PCDH9: variants seen among roughly 807,000 people sequenced by gnomAD.
The protein encoded by PCDH9 is protocadherin 9, also known as protocadherin-9.
A neutral mutation model predicts 70.6 loss-of-function variants in PCDH9; 24 were observed. The observed-to-expected ratio is 0.34, with a 90% CI of 0.25 to 0.48. The LOEUF (loss-of-function observed/expected upper bound fraction) is 0.48. Ranked by LOEUF, PCDH9 falls within the 20% of genes least tolerant of loss-of-function variation. PCDH9 has a pLI of 0.99. For synonymous variants in PCDH9, 562 were observed against 558.5 expected, an observed-to-expected ratio of 1.01 and a Z score of -0.09; for missense variants, 1,281 against 1,503.6, an observed-to-expected ratio of 0.85 and a Z score of 2.45.
chr13:67,007,320 A>G (rs779939731), intron 2 of PCDH9, among the ~76,000 whole-genome samples: 1 of 152,176 alleles, frequency 6.6e-6, no homozygotes, highest in Non-Finnish European at 1.5e-5. Flanking sequence ...TTTTGAGTAA[A>G]AAAACACAAA....
intron 2 of PCDH9, among the ~76,000 whole-genome samples, chr13:66,961,816 G>C (rs1319840893): frequency 6.6e-6 from 1 of 151,952 alleles, no homozygotes; most frequent in Non-Finnish European, 1.5e-5. Context: ...ACTTTGGGAG[G>C]CTGAGGCGGG....
chr13:66,908,099 C>A (rs74766104), intron 2 of PCDH9, among the ~76,000 whole-genome samples: 4,123 of 152,224 alleles, frequency 0.027, 188 homozygotes, highest in African/African-American at 0.093. Flanking sequence ...AACTTGGTAT[C>A]TTCAACTTCT....
chr13:67,078,302 G>A (rs1041105568), intron 2 of PCDH9, among the ~76,000 whole-genome samples: 3 of 152,086 alleles, frequency 2.0e-5, no homozygotes, highest in Admixed American at 6.6e-5. Flanking sequence ...ACTTAGTCCC[G>A]AGCCTCTTTC....
At chr13:66,551,303 A>T (rs368916725) in intron 4 of PCDH9, among the ~76,000 whole-genome samples, 120 of 152,226 alleles carry the variant, frequency 7.9e-4, no homozygotes, top group Middle Eastern at 6.8e-3. Flanking sequence ...AGCACAATGC[A>T]TTTCACTGTG....
At chr13:66,957,763 T>G (rs964998032) in intron 2 of PCDH9, among the ~76,000 whole-genome samples, 1 of 151,998 alleles carries the variant, frequency 6.6e-6, no homozygotes. Flanking sequence ...AAGGCAGTCC[T>G]CAGCAGAACC....
chr13:66,414,443 G>A (rs1346948949), intron 4 of PCDH9, among the ~76,000 whole-genome samples: 1 of 152,168 alleles, frequency 6.6e-6, no homozygotes, highest in Non-Finnish European at 1.5e-5. Flanking sequence ...GAAAGAGTAT[G>A]CTCTGCAACT....
At chr13:66,935,187 A>C (rs1054304003) in intron 2 of PCDH9, among the ~76,000 whole-genome samples, 3 of 151,988 alleles carry the variant, frequency 2.0e-5, no homozygotes, top group African/African-American at 4.8e-5. Flanking sequence ...CAGCCTCCTG[A>C]GTAGCTGGGA....
At chr13:66,669,148 C>A (rs950385300) in intron 3 of PCDH9, among the ~76,000 whole-genome samples, 2 of 152,086 alleles carry the variant, frequency 1.3e-5, no homozygotes, top group Non-Finnish European at 2.9e-5. Context: ...AATTTTGTTT[C>A]CAGCATTTCA....
chr13:66,858,568 T>A (rs1029257553), intron 3 of PCDH9, among the ~76,000 whole-genome samples: 1 of 152,052 alleles, frequency 6.6e-6, no homozygotes, highest in Admixed American at 6.6e-5. Context: ...TCCTTCTTCT[T>A]CCTCCCCTTT....
chr13:67,019,416 C>T (rs1237352546), intron 2 of PCDH9, among the ~76,000 whole-genome samples: 1 of 151,668 alleles, frequency 6.6e-6, no homozygotes, highest in Non-Finnish European at 1.5e-5. Context: ...AGGATGGTCT[C>T]GATCTCCTGA....
At chr13:66,434,021 A>T (rs1957821915) in intron 4 of PCDH9, among the ~76,000 whole-genome samples, 1 of 151,950 alleles carries the variant, frequency 6.6e-6, no homozygotes, top group South Asian at 2.1e-4. Context: ...AAACCTTAGA[A>T]TTAAATACAG....
intron 4 of PCDH9, among the ~76,000 whole-genome samples, chr13:66,440,115 G>A (rs181822523): frequency 5.3e-5 from 8 of 152,188 alleles, no homozygotes; most frequent in East Asian, 3.9e-4. Context: ...TATAGTAAAC[G>A]AAAGATGAAA....
intron 2 of PCDH9, among the ~76,000 whole-genome samples, chr13:67,181,032 A>C (rs936037030): frequency 1.3e-5 from 2 of 152,208 alleles, no homozygotes; most frequent in Non-Finnish European, 2.9e-5. Context: ...ACTAAAAATC[A>C]ATTTCAAATT....
rs1389716175 is a variant in PCDH9 at position 66,788,644 on chromosome 13, A to C, written c.3138+114860T>G. On this transcript the variant is annotated intron_variant, in intron 3 of 4. Coordinates refer to ENST00000377865, the MANE Select transcript of PCDH9 (RefSeq NM_203487.3). ...CATCTCCCAGGGTACAAAGCTAAAC[A>C]GTAATTTTTTTTTTTTTTTTTTTTT... 5.0e-5 allele frequency among the ~76,000 whole-genome samples: 7 copies of C among 139,884 alleles called. No individual in the cohort carries two copies. In the South Asian group the frequency reaches 1.4e-3, roughly 27 times the overall value. 91.8% of individuals were successfully genotyped at this position (139,884 alleles called of 152,430 possible).
At chr13:66,553,876 T>A (rs952109780) in intron 4 of PCDH9, among the ~76,000 whole-genome samples, 1 of 152,192 alleles carries the variant, frequency 6.6e-6, no homozygotes, top group African/African-American at 2.4e-5. Flanking sequence ...ATAAAGTAAC[T>A]TTATATACAA....
intron 3 of PCDH9, among the ~76,000 whole-genome samples, chr13:66,873,422 T>C (rs1347876504): frequency 1.3e-5 from 2 of 152,276 alleles, no homozygotes; most frequent in Admixed American, 1.3e-4. Context: ...ATCCAATTTA[T>C]TTTTAAACAT....
intron 4 of PCDH9, among the ~76,000 whole-genome samples, chr13:66,537,253 T>C (rs1041423309): frequency 2.0e-5 from 3 of 152,232 alleles, no homozygotes; most frequent in African/African-American, 7.2e-5. Flanking sequence ...TGATGCATTA[T>C]GCTCAGTGAG....
intron 3 of PCDH9, among the ~76,000 whole-genome samples, chr13:66,828,225 T>TAAG (rs1594113945): frequency 6.6e-6 from 1 of 152,138 alleles, no homozygotes; most frequent in East Asian, 1.9e-4. Flanking sequence ...CCTCACAGAA[T>TAAG]AAGAAGGTAA....
chr13:66,714,751 A>T (rs567930258), intron 3 of PCDH9, among the ~76,000 whole-genome samples: 226 of 152,278 alleles, frequency 1.5e-3, no homozygotes, highest in African/African-American at 5.1e-3. Context: ...TAAGGTAAGG[A>T]GTTGCTATCA....
Sources: allele counts gnomAD v4.1 joint callset (sites outside exome capture counted in the v4.1 genomes callset), GRCh38; gene constraint gnomAD v4.1.1; transcripts MANE v1.5; gene names NCBI Gene and HGNC (gene_info 2026-07-23, HGNC 2026-07-21).